The following COL25A1 variants were observed in gnomAD, a reference collection of about 807,000 sequenced individuals.
COL25A1 encodes the protein collagen alpha-1(XXV) chain.
In COL25A1, 103 loss-of-function variants were observed where a neutral mutation model predicts 128.4. The observed-to-expected ratio is 0.80, with a 90% confidence interval of 0.68 to 0.94. The LOEUF is 0.94. COL25A1 is among the 40% of genes least tolerant of loss of function. COL25A1 has a pLI of 0.00. For missense variants in COL25A1, 745 were observed against 840.0 expected (o/e 0.89, Z 1.40); for synonymous variants, 279 against 277.2 (o/e 1.01, Z -0.06).
At position 109,162,048 on chromosome 4, in the gene COL25A1, A is replaced by G. The variant is rs1051141187; in HGVS notation, c.368-111869T>C. 6.6e-5 allele frequency among the ~76,000 whole-genome samples: 10 copies of G among 152,224 alleles called. No individual in the cohort carries two copies. In the East Asian group the frequency reaches 1.7e-3, roughly 26 times the overall value. On this transcript the variant is annotated intron_variant, in intron 3 of 37. Coordinates refer to ENST00000399132, the MANE Select transcript of COL25A1 (RefSeq NM_198721.4). ...GGGGCCAGGAAAGTAATGTAGTATC[A>G]AGAACATAGAAAAGAACATGAGGAC...
At chr4:109,268,128 C>T (rs887206334) in intron 3 of COL25A1, among the ~76,000 whole-genome samples, 1 of 152,078 alleles carries the variant, frequency 6.6e-6, no homozygotes, top group Admixed American at 6.6e-5. Flanking sequence ...TGAATATCTG[C>T]AATATATTAT....
chr4:109,183,012 C>T (rs1774810568), intron 3 of COL25A1, among the ~76,000 whole-genome samples: 1 of 152,006 alleles, frequency 6.6e-6, no homozygotes, highest in Admixed American at 6.6e-5. Context: ...ATTATTCTTC[C>T]AATCTTTTTA....
chr4:109,299,487 C>A (rs773267736), intron 3 of COL25A1, among the ~76,000 whole-genome samples: 3 of 152,078 alleles, frequency 2.0e-5, no homozygotes, highest in Non-Finnish European at 4.4e-5. Flanking sequence ...GTATAAGGTA[C>A]AACCTGGAGT....
chr4:109,019,373 C>CATATATATATATATATAT (rs1271683280), intron 5 of COL25A1, among the ~76,000 whole-genome samples: 639 of 31,422 alleles, frequency 0.02, 6 homozygotes, highest in East Asian at 0.039. Context: ...CACACACACA[C>CATATATATATATATATAT]ACATATATAT....
chr4:109,259,405 T>C lies in COL25A1; in HGVS notation c.367+41178A>G, dbSNP rs186782219. Among the ~76,000 whole-genome samples, 978 of 152,358 alleles carry C rather than the reference T, an allele frequency of 6.4e-3. 14 individuals are homozygous for C. The highest frequency in any genetic ancestry group is 0.021 in the African/African-American group (890 of 41,584). ...TTTTTTCCAAATATATTGTTGGTAC[T>C]TCTTAATCACTAGAAAAATGGGATT... On this transcript the variant is annotated intron_variant, in intron 3 of 37. Coordinates refer to ENST00000399132, the MANE Select transcript of COL25A1 (RefSeq NM_198721.4).
At chr4:108,980,199 G>C (rs777635404) in intron 6 of COL25A1, among the ~76,000 whole-genome samples, 9 of 152,208 alleles carry the variant, frequency 5.9e-5, no homozygotes, top group Non-Finnish European at 1.3e-4. Context: ...CTGAGAACAC[G>C]GGGTGTTCGG....
intron 11 of COL25A1, among the ~76,000 whole-genome samples, chr4:108,923,745 T>C (rs1745729193): frequency 6.6e-6 from 1 of 152,212 alleles, no homozygotes; most frequent in African/African-American, 2.4e-5. Flanking sequence ...CGAATGCTGA[T>C]TATTCCCAAA....
chr4:109,166,983 T>C (rs747504307), intron 3 of COL25A1, among the ~76,000 whole-genome samples: 22 of 152,300 alleles, frequency 1.4e-4, no homozygotes, highest in Admixed American at 7.8e-4. Flanking sequence ...ATGTAAATAA[T>C]GTGCCTTTGA....
chr4:109,300,593 G>T lies in COL25A1; in HGVS notation c.357C>A (p.Asn119Lys). The T allele has an allele frequency of 8.1e-6, 13 of 1,609,690 alleles. No homozygotes were observed. Among genetic ancestry groups the T allele is most frequent in the Non-Finnish European group, 1.0e-5 (12 of 1,176,014 alleles). ...TAAGTTCCATTTTACCTGCTGGGCA[G>T]TTACATTCTGAAGGTGCTTCTCTTG... Reference protein sequence around the residue: ...RIAREAPSECNCPAGPPGKRG... With the variant: ...RIAREAPSECKCPAGPPGKRG... The change falls in exon 3 of 38, where the codon AAC becomes AAA. Residue 119 changes from asparagine to lysine, a missense_variant. Around this residue, in one of 3 missense-constraint regions of COL25A1, gnomAD observed 319 missense variants for 324.9 expected, o/e 0.98. Coordinates refer to ENST00000399132, the MANE Select transcript of COL25A1 (RefSeq NM_198721.4).
At chr4:109,160,407 C>A (rs1025637498) in intron 3 of COL25A1, among the ~76,000 whole-genome samples, 5 of 152,046 alleles carry the variant, frequency 3.3e-5, no homozygotes, top group African/African-American at 4.8e-5. Context: ...AAACTATTAA[C>A]AGAAAGTAAA....
intron 3 of COL25A1, among the ~76,000 whole-genome samples, chr4:109,086,341 T>C (rs573741645): frequency 5.3e-5 from 8 of 152,318 alleles, no homozygotes; most frequent in African/African-American, 1.9e-4. Flanking sequence ...TTAAAACATA[T>C]GTTGCATGTT....
intron 5 of COL25A1, among the ~76,000 whole-genome samples, chr4:109,015,039 C>T (rs981284556): frequency 3.3e-5 from 5 of 152,194 alleles, no homozygotes; most frequent in African/African-American, 1.2e-4. Flanking sequence ...CAAACCAGGG[C>T]CATGACCAGA....
intron 3 of COL25A1, among the ~76,000 whole-genome samples, chr4:109,151,973 C>G (rs1468131235): frequency 6.6e-6 from 1 of 151,966 alleles, no homozygotes. Flanking sequence ...GACTGGAGGT[C>G]AAGATCTAGT....
rs929652678 is a variant in COL25A1 at position 109,229,446 on chromosome 4, G to T, written c.367+71137C>A. Among the ~76,000 whole-genome samples, 5 of 152,138 alleles carry T rather than the reference G, an allele frequency of 3.3e-5. No individual in the cohort carries two copies. In the South Asian group the frequency reaches 6.3e-4, roughly 19 times the overall value. The stretch of plus-strand genomic sequence containing the variant: ...GATACCTTATTTAATATATATTGTT[G>T]ATTCATTAACATTGAACTTACTGCC... On this transcript the variant is annotated intron_variant, in intron 3 of 37. Transcript: ENST00000399132.
At chr4:108,905,526 T>A (rs866196541) in intron 13 of COL25A1, among the ~76,000 whole-genome samples, 76 of 149,514 alleles carry the variant, frequency 5.1e-4, no homozygotes, top group African/African-American at 1.8e-3. Flanking sequence ...AATAAAAAAA[T>A]AAAAATAAAA....
At position 108,840,913 on chromosome 4, in the gene COL25A1, A is replaced by G. The variant is rs138971772; in HGVS notation, c.1656+782T>C. Among the ~76,000 whole-genome samples the G allele has an allele frequency of 1.2e-3, 190 of 152,362 alleles. 3 individuals are homozygous for G. In the East Asian group the frequency reaches 0.028, roughly 23 times the overall value. ...TGTAAGGTGAGTTACCCAGTTGAGT[A>G]AATAAAGGATCAGAGAGGGTCCATA... is the stretch of plus-strand genomic sequence containing the variant. On this transcript the variant is annotated intron_variant, in intron 31 of 37. Transcript: ENST00000399132.
At chr4:109,098,361 T>C (rs1013692255) in intron 3 of COL25A1, among the ~76,000 whole-genome samples, 1 of 152,164 alleles carries the variant, frequency 6.6e-6, no homozygotes, top group Non-Finnish European at 1.5e-5. Context: ...AACCCAAGAA[T>C]CCTCACCTCT....
intron 3 of COL25A1, among the ~76,000 whole-genome samples, chr4:109,226,447 G>A (rs561438746): frequency 3.9e-5 from 6 of 152,160 alleles, no homozygotes; most frequent in African/African-American, 1.2e-4. Flanking sequence ...AAATGGCAGC[G>A]ATTTAATGAA....
intron 3 of COL25A1, among the ~76,000 whole-genome samples, chr4:109,172,441 GAATTT>G (rs1044414896): frequency 2.6e-4 from 40 of 152,132 alleles, no homozygotes; most frequent in Non-Finnish European, 4.7e-4. Flanking sequence ...ACCTGAAGAT[GAATTT>G]AATTTATTTA....
Sources: allele counts gnomAD v4.1 joint callset (sites outside exome capture counted in the v4.1 genomes callset), GRCh38; gene constraint gnomAD v4.1.1; regional missense constraint gnomAD v4.1.1; transcripts MANE v1.5; gene names NCBI Gene and HGNC (gene_info 2026-07-23, HGNC 2026-07-21).